The following NREP variants were observed in gnomAD, a reference collection of about 807,000 sequenced individuals.
NREP encodes the protein neuronal regeneration-related protein.
NREP carries 5 observed loss-of-function variants against 8.6 expected under a neutral mutation model. That is an observed-to-expected ratio of 0.58 (90% CI 0.30 to 1.22). The LOEUF (loss-of-function observed/expected upper bound fraction) is 1.22, where lower values mean the gene tolerates loss of function less well. Among genes scored for constraint, NREP ranks in the 50% most tolerant of loss-of-function variants. The probability of loss-of-function intolerance (pLI) is 0.07; values close to 1 mark genes in which losing one functional copy is unlikely to be tolerated. For synonymous variants in NREP, 27 were observed against 28.0 expected (o/e 0.96, Z 0.11); for missense variants, 86 against 82.5 (o/e 1.04, Z -0.17).
At chr5:111,837,398 A>G (rs9637887) in intron 2 of NREP, among the ~76,000 whole-genome samples, 50,865 of 151,828 alleles carry the variant, frequency 0.34, 9,042 homozygotes, top group East Asian at 0.61. Flanking sequence ...CCAAGCTTCA[A>G]AAAGAATAAT....
In NREP at chr5:111,880,117, T is replaced by C. The variant is rs1307828732; in HGVS notation, c.135+95157A>G. 3.9e-5 allele frequency among the ~76,000 whole-genome samples: 6 copies of C among 152,194 alleles called. No individual in the cohort carries two copies. In the South Asian group the frequency reaches 8.3e-4, roughly 21 times the overall value. ...TATTCTTGAGCCAGGGTGCATAGGT[T>C]TGAATTTCATCATCTACCATTTATT... On this transcript the variant is annotated intron_variant, in intron 2 of 3. Coordinates refer to the NREP transcript ENST00000395634.
intron 2 of NREP, among the ~76,000 whole-genome samples, chr5:111,784,006 A>T (rs1465943351): frequency 6.6e-6 from 1 of 152,166 alleles, no homozygotes; most frequent in African/African-American, 2.4e-5. Flanking sequence ...ACTTTAAAAA[A>T]TTTTGCTTTT....
rs1554093392 is a variant in NREP, at chr5:111,730,548, G to GGC, written c.*372_*373insGC. 5.9e-6 allele frequency: 1 copy of GGC among 170,100 alleles called. No individual in the cohort carries two copies. Among genetic ancestry groups the GGC allele is most frequent in the Non-Finnish European group, 1.2e-5 (1 of 80,362 alleles). 10.5% of individuals were successfully genotyped at this position (170,100 alleles called of 1,614,324 possible). A position where few individuals can be genotyped will look rare whatever the true frequency, so the allele number is the denominator to read the frequency against. On this transcript the variant is annotated 3_prime_UTR_variant, in exon 4 of 4. Coordinates refer to ENST00000257435, the MANE Select transcript of NREP (RefSeq NM_004772.4). ...TAAATGAAAAAAAAGGTGGGGGGGG[G>GGC]ACTCTCAGCCTCTGCAAGAAGCAGT...
chr5:111,970,037 T>C lies in NREP; in HGVS notation c.135+5237A>G, dbSNP rs77904408. Among the ~76,000 whole-genome samples, 174 of 152,348 alleles carry C rather than the reference T, an allele frequency of 1.1e-3. 1 individual carries two copies. The highest frequency in any genetic ancestry group is 3.8e-3 in the African/African-American group (159 of 41,586). ...AATTATAGGGGAAATTCTCTTTCCA[T>C]TTTATGCTTTGTAAAAACTTAAAAA... On this transcript the variant is annotated intron_variant, in intron 2 of 3. Coordinates refer to the NREP transcript ENST00000395634.
chr5:111,832,586 A>G (rs4495228), intron 2 of NREP, among the ~76,000 whole-genome samples: 1 of 151,830 alleles, frequency 6.6e-6, no homozygotes, highest in African/African-American at 2.4e-5. Context: ...GGAAAATGCA[A>G]TAGTGTGGCT....
chr5:111,811,950 G>A (rs566164965), intron 2 of NREP, among the ~76,000 whole-genome samples: 10 of 152,204 alleles, frequency 6.6e-5, no homozygotes, highest in Non-Finnish European at 8.8e-5. Context: ...AATTGGATTC[G>A]ACTTGTTTCA....
intron 2 of NREP, among the ~76,000 whole-genome samples, chr5:111,863,382 T>TA (rs944089886): frequency 1.4e-3 from 212 of 152,110 alleles, no homozygotes; most frequent in African/African-American, 4.9e-3. Flanking sequence ...AATATCCAAA[T>TA]AGAGAAGTCG....
intron 2 of NREP, among the ~76,000 whole-genome samples, chr5:111,780,552 G>A (rs994000292): frequency 2.0e-5 from 3 of 152,154 alleles, no homozygotes; most frequent in Admixed American, 2.0e-4. Flanking sequence ...ACTTGAAGGA[G>A]TATTTTTATT....
intron 2 of NREP, among the ~76,000 whole-genome samples, chr5:111,885,079 T>C (rs1197070493): frequency 6.6e-5 from 10 of 152,074 alleles, no homozygotes; most frequent in South Asian, 2.1e-4. Context: ...GAAAACCCCA[T>C]TGTCTCAGCC....
intron 2 of NREP, among the ~76,000 whole-genome samples, chr5:111,754,239 C>T (rs1454822053): frequency 2.0e-5 from 3 of 152,214 alleles, no homozygotes; most frequent in Non-Finnish European, 2.9e-5. Context: ...CCAACTTCCA[C>T]TCTCAGCTTT....
At chr5:111,881,579 C>T (rs1467444759) in intron 2 of NREP, among the ~76,000 whole-genome samples, 1 of 152,168 alleles carries the variant, frequency 6.6e-6, no homozygotes, top group Admixed American at 6.5e-5. Context: ...GGAGGCACCC[C>T]CCAGTAGGGG....
At chr5:111,790,347 C>CTTTTTTTTTTTTTTTTTTT (rs57775701) in intron 2 of NREP, among the ~76,000 whole-genome samples, 1 of 59,640 alleles carries the variant, frequency 1.7e-5, no homozygotes, top group African/African-American at 6.9e-5. Context: ...AAAACCTTAA[C>CTTTTTTTTTTTTTTTTTTT]TTTTTTTTTT....
chr5:111,853,300 C>T (rs1010955487), intron 2 of NREP, among the ~76,000 whole-genome samples: 1 of 151,972 alleles, frequency 6.6e-6, no homozygotes, highest in Non-Finnish European at 1.5e-5. Flanking sequence ...TATTCTTTAT[C>T]GTACTGCAGT....
intron 2 of NREP, among the ~76,000 whole-genome samples, chr5:111,873,346 T>A (rs1293096914): frequency 1.3e-5 from 2 of 152,160 alleles, no homozygotes; most frequent in Non-Finnish European, 2.9e-5. Context: ...ACTTATTATC[T>A]AATTGCTATA....
chr5:111,753,594 C>T (rs1327052967), intron 2 of NREP, among the ~76,000 whole-genome samples: 1 of 151,778 alleles, frequency 6.6e-6, no homozygotes, highest in African/African-American at 2.4e-5. Flanking sequence ...AAGCCCTTTA[C>T]TAAATAGGTA....
chr5:111,955,221 T>C (rs1422336696), intron 2 of NREP, among the ~76,000 whole-genome samples: 1 of 152,170 alleles, frequency 6.6e-6, no homozygotes, highest in Non-Finnish European at 1.5e-5. Flanking sequence ...ATTTGTTGAG[T>C]ACCATCTCAA....
intron 1 of NREP, chr5:111,976,647 AT>A: frequency 7.3e-7 from 1 of 1,370,306 alleles, no homozygotes; most frequent in East Asian, 2.5e-5. Context: ...ACATCCTATA[AT>A]TGTTTTCTTC....
intron 2 of NREP, among the ~76,000 whole-genome samples, chr5:111,867,001 G>T (rs959293588): frequency 6.6e-6 from 1 of 151,592 alleles, no homozygotes; most frequent in Non-Finnish European, 1.5e-5. Context: ...GTTGTGGGGT[G>T]GGGGGAAGGG....
chr5:111,777,189 A>T (rs1026983870), intron 2 of NREP, among the ~76,000 whole-genome samples: 9 of 152,162 alleles, frequency 5.9e-5, no homozygotes, highest in African/African-American at 2.2e-4. Context: ...TATTTCCTCA[A>T]TTCTTCTATG....
Sources: allele counts gnomAD v4.1 joint callset (sites outside exome capture counted in the v4.1 genomes callset), GRCh38; gene constraint gnomAD v4.1.1; transcripts MANE v1.5; gene names NCBI Gene and HGNC (gene_info 2026-07-23, HGNC 2026-07-21).